The following MILR1 variants were observed in gnomAD, a reference collection of about 807,000 sequenced individuals.
MILR1 encodes mast cell immunoglobulin like receptor 1.
Under a neutral mutation model 18.5 loss-of-function variants are expected in MILR1, and 31 were observed. The ratio of observed to expected loss-of-function variants is 1.68; its 90% CI spans 1.26 to 2.26. MILR1 has a LOEUF of 2.26. MILR1 is among the 30% of genes most tolerant of loss of function. The pLI is 0.00. For missense variants in MILR1, 257 were observed against 157.4 expected (o/e 1.63, Z -3.38); for synonymous variants, 85 against 56.2 (o/e 1.51, Z -2.30).
chr17:64,469,304 C>G (rs2037650540), downstream of MILR1, among the ~76,000 whole-genome samples: 1 of 152,178 alleles, frequency 6.6e-6, no homozygotes, highest in Non-Finnish European at 1.5e-5. Context: ...TATTGGACCA[C>G]TCAGCTGTAG....
At chr17:64,492,583 T>G in the MILR1 span, 1 of 765,578 alleles carries the variant, frequency 1.3e-6, no homozygotes, top group Non-Finnish European at 2.2e-6. Flanking sequence ...CAAATATAAT[T>G]TCTTGTATGT....
chr17:64,497,018 A>C, the MILR1 span: 1 of 1,507,742 alleles, frequency 6.6e-7, no homozygotes, highest in Non-Finnish European at 9.1e-7. Flanking sequence ...ACGGATCCCA[A>C]CAAGCCACCA....
chr17:64,497,056 A>G, the MILR1 span: 21 of 1,354,870 alleles, frequency 1.5e-5, no homozygotes, highest in South Asian at 1.9e-4. Flanking sequence ...CGGAGAGGCC[A>G]CGGCGCAGGC....
At chr17:64,462,573 T>C (rs2037455671) in intron 5 of MILR1, among the ~76,000 whole-genome samples, 1 of 151,946 alleles carries the variant, frequency 6.6e-6, no homozygotes, top group Non-Finnish European at 1.5e-5. Flanking sequence ...GCTGGAAGTA[T>C]TGAAAATATT....
chr17:64,461,953 A>G (rs1485108971), intron 5 of MILR1, among the ~76,000 whole-genome samples: 6 of 152,216 alleles, frequency 3.9e-5, no homozygotes, highest in African/African-American at 1.4e-4. Flanking sequence ...TTCCTTGATA[A>G]GACTGAAGAA....
the MILR1 span, among the ~76,000 whole-genome samples, chr17:64,482,252 T>A: frequency 6.6e-6 from 1 of 151,716 alleles, no homozygotes; most frequent in Non-Finnish European, 1.5e-5. Context: ...TACAGGCACA[T>A]ACCATTATGC....
the MILR1 span, chr17:64,496,704 C>G: frequency 1.9e-6 from 3 of 1,614,090 alleles, no homozygotes; most frequent in South Asian, 3.3e-5. Context: ...AGAAGAGAAT[C>G]CCGGCTAAGC....
At chr17:64,476,778 C>T in the MILR1 span, among the ~76,000 whole-genome samples, 5 of 148,282 alleles carry the variant, frequency 3.4e-5, no homozygotes, top group Non-Finnish European at 6.0e-5. Context: ...ACTTGAGGCT[C>T]GGAGTGAAAG....
the MILR1 span, among the ~76,000 whole-genome samples, chr17:64,484,542 G>T: frequency 2.4e-3 from 366 of 152,250 alleles, 4 homozygotes; most frequent in African/African-American, 8.6e-3. Context: ...TTTTAACAGG[G>T]CCACTCTATC....
downstream of MILR1, among the ~76,000 whole-genome samples, chr17:64,470,516 C>T (rs1212746450): frequency 3.3e-5 from 5 of 152,312 alleles, no homozygotes; most frequent in South Asian, 4.1e-4. Context: ...GCGCCTGCCT[C>T]ATGTGAGGTC....
chr17:64,496,945 C>A, the MILR1 span: 1 of 1,608,746 alleles, frequency 6.2e-7, no homozygotes, highest in Non-Finnish European at 8.5e-7. Flanking sequence ...TATGGCAGGC[C>A]CTGACGGCTA....
chr17:64,452,594 C>T lies in MILR1; in HGVS notation c.98-3C>T. The T allele has an allele frequency of 2.4e-6, 1 of 414,906 alleles. No homozygotes were observed. The highest frequency in any genetic ancestry group is 6.3e-4 in the Middle Eastern group (1 of 1,594). The allele number at this position is 414,906 out of a possible 1,614,324, so 25.7% of individuals were successfully genotyped here. A position where few individuals can be genotyped will look rare whatever the true frequency, so the allele number is the denominator to read the frequency against. ...CTTTTTCTTGTGTCATTTTGTTTTT[C>T]AGAATTCCCTTCTCCATGTTTGGAC... On this transcript the variant is annotated splice_polypyrimidine_tract_variant and splice_region_variant and intron_variant, in intron 2 of 9. Transcript: ENST00000619286.
chr17:64,473,402 A>G (rs1197570756), downstream of MILR1, among the ~76,000 whole-genome samples: 2 of 151,674 alleles, frequency 1.3e-5, no homozygotes, highest in African/African-American at 2.4e-5. Flanking sequence ...GCTTCTCCCT[A>G]AGGATTTAAA....
At position 64,452,781 on chromosome 17, in the gene MILR1, A is replaced by G. The variant is rs1351269493; in HGVS notation, c.282A>G (p.Glu94=). Residue 94 remains glutamate, a synonymous_variant, in exon 3 of 10, where the codon GAA becomes GAG. Coordinates refer to ENST00000619286, the MANE Select transcript of MILR1 (RefSeq NM_001085423.2). ...CGATTTTTAACCTAAGCATCACAGA[A>G]GCCCATGAATCAGGCCCCTACAAAT... The part of the protein sequence containing the change: ...EPAIFNLSIT[E]AHESGPYKCK... The G allele has an allele frequency of 8.4e-6, 4 of 475,232 alleles. No homozygotes were observed. The highest frequency in any genetic ancestry group is 7.9e-5 in the African/African-American group (4 of 50,518). The allele number at this position is 475,232 out of a possible 1,614,324, so 29.4% of individuals were successfully genotyped here.
downstream of MILR1, among the ~76,000 whole-genome samples, chr17:64,469,449 G>A (rs1555664174): frequency 6.6e-6 from 1 of 152,194 alleles, no homozygotes; most frequent in African/African-American, 2.4e-5. Flanking sequence ...CCAGGTTGGA[G>A]TGCCATGGTA....
At chr17:64,488,306 T>C in the MILR1 span, among the ~76,000 whole-genome samples, 1 of 152,160 alleles carries the variant, frequency 6.6e-6, no homozygotes, top group African/African-American at 2.4e-5. Context: ...CAACTAATGA[T>C]AAATAATTTT....
intron 4 of MILR1, among the ~76,000 whole-genome samples, chr17:64,458,112 TTTCCTTCC>T (rs1216586374): frequency 2.0e-5 from 3 of 150,836 alleles, no homozygotes; most frequent in Non-Finnish European, 4.4e-5. Context: ...CTTTCTTTCT[TTTCCTTCC>T]TTCCTTCCTT....
chr17:64,452,940 T>C (rs1313492982), intron 3 of MILR1, 74 bp downstream of exon 3: 5 of 449,252 alleles, frequency 1.1e-5, no homozygotes, highest in East Asian at 6.4e-5. Context: ...GGGCTCTCCA[T>C]GATCCTTGTG....
the MILR1 span, among the ~76,000 whole-genome samples, chr17:64,491,276 G>T: frequency 1.3e-5 from 2 of 152,116 alleles, no homozygotes; most frequent in Non-Finnish European, 2.9e-5. Flanking sequence ...TGGGACCACA[G>T]GTTGCTGAAA....
Sources: allele counts gnomAD v4.1 joint callset (sites outside exome capture counted in the v4.1 genomes callset), GRCh38; gene constraint gnomAD v4.1.1; transcripts MANE v1.5; gene names NCBI Gene and HGNC (gene_info 2026-07-23, HGNC 2026-07-21).